Variants in DOCK10 observed in about 807,000 individuals in gnomAD.
DOCK10 encodes dedicator of cytokinesis protein 10.
A neutral mutation model predicts 280.1 loss-of-function variants in DOCK10; 145 were observed. The ratio of observed to expected loss-of-function variants is 0.52; its 90% CI spans 0.45 to 0.59. DOCK10 has a LOEUF of 0.59. Ranked by LOEUF, DOCK10 falls within the 20% of genes least tolerant of loss-of-function variation. DOCK10 has a pLI of 0.00. For missense variants in DOCK10, 2,368 were observed against 2,651.7 expected, an observed-to-expected ratio of 0.89 and a Z score of 2.35; for synonymous variants, 915 against 942.2, an observed-to-expected ratio of 0.97 and a Z score of 0.53.
chr2:224,984,094 A>C (rs1705889539), intron 1 of DOCK10, among the ~76,000 whole-genome samples: 2 of 146,992 alleles, frequency 1.4e-5, no homozygotes, highest in African/African-American at 2.5e-5. Flanking sequence ...GGCAGTGCCC[A>C]CCCCCACCCA....
chr2:224,960,288 C>G (rs1014533093), intron 1 of DOCK10, among the ~76,000 whole-genome samples: 1 of 152,178 alleles, frequency 6.6e-6, no homozygotes, highest in Non-Finnish European at 1.5e-5. Context: ...CCTACCTGCA[C>G]TCTTTATTTT....
intron 1 of DOCK10, 72 bp from the exon 2 acceptor site, chr2:224,931,740 C>T: frequency 2.0e-6 from 3 of 1,464,688 alleles, no homozygotes; most frequent in Non-Finnish European, 2.7e-6. Context: ...GGTTGGATTT[C>T]ATCTCTTAGT....
At chr2:224,767,435 AT>A (rs544719179) in intron 55 of DOCK10, among the ~76,000 whole-genome samples, 285 of 152,276 alleles carry the variant, frequency 1.9e-3, no homozygotes, top group African/African-American at 6.5e-3. Flanking sequence ...AAGTGCTAGG[AT>A]TACAGGTGTG....
chr2:224,803,400 C>T (rs1005279216), intron 39 of DOCK10, among the ~76,000 whole-genome samples: 5 of 151,916 alleles, frequency 3.3e-5, no homozygotes, highest in African/African-American at 1.2e-4. Context: ...TTTCTAAAAC[C>T]CTTTCTAAAA....
At chr2:224,787,530 G>C in intron 48 of DOCK10, 133 bp from the exon 49 acceptor site, 1 of 1,116,924 alleles carries the variant, frequency 9.0e-7, no homozygotes, top group Non-Finnish European at 1.3e-6. Context: ...GCAGGGGATC[G>C]TGGTGTCATC....
intron 1 of DOCK10, among the ~76,000 whole-genome samples, chr2:225,024,168 A>G (rs1357047404): frequency 6.6e-6 from 1 of 152,260 alleles, no homozygotes; most frequent in Non-Finnish European, 1.5e-5. Flanking sequence ...TCTTGATTAA[A>G]GAAAACTTAA....
chr2:224,826,177 C>A (rs1265213984), intron 27 of DOCK10, among the ~76,000 whole-genome samples: 1 of 152,178 alleles, frequency 6.6e-6, no homozygotes, highest in Admixed American at 6.5e-5. Flanking sequence ...AATTCTCGTG[C>A]CTCAGCCTCC....
intron 25 of DOCK10, among the ~76,000 whole-genome samples, chr2:224,835,856 T>A (rs1218668913): frequency 6.6e-6 from 1 of 152,250 alleles, no homozygotes; most frequent in Non-Finnish European, 1.5e-5. Context: ...TTGAATCACT[T>A]AAAGCAAGCT....
intron 1 of DOCK10, among the ~76,000 whole-genome samples, chr2:225,032,561 T>C (rs1270453795): frequency 6.6e-6 from 1 of 152,230 alleles, no homozygotes; most frequent in Non-Finnish European, 1.5e-5. Flanking sequence ...ATGTGTCCAA[T>C]TTTTAAACAA....
At chr2:225,007,243 T>C (rs1689299420) in intron 1 of DOCK10, among the ~76,000 whole-genome samples, 1 of 152,182 alleles carries the variant, frequency 6.6e-6, no homozygotes, top group African/African-American at 2.4e-5. Context: ...TTTATGAAGG[T>C]ATATAATAAG....
At chr2:224,823,956 C>G (rs1315270681) in intron 27 of DOCK10, among the ~76,000 whole-genome samples, 1 of 152,152 alleles carries the variant, frequency 6.6e-6, no homozygotes, top group Non-Finnish European at 1.5e-5. Flanking sequence ...TGAACCTTCT[C>G]TGTGGCCTCT....
In DOCK10 at chr2:224,773,334, G is replaced by T; in HGVS notation, c.6027C>A (p.Phe2009Leu). 1 of 1,611,428 alleles carries T rather than the reference G, an allele frequency of 6.2e-7. No homozygotes were observed. The change falls in exon 53 of 56, where the codon TTC becomes TTA. Residue 2009 changes from phenylalanine to leucine, a missense_variant. Physicochemically the swap from Phe to Leu is conservative, Grantham distance 22. This residue lies in a region of DOCK10 where 1,159 missense variants were observed against 1,400.8 expected (regional missense o/e 0.83). Coordinates refer to ENST00000258390, the MANE Select transcript of DOCK10 (RefSeq NM_014689.3). ...CTTGTATTCTCTTCTTCACGTAGGG[G>T]AACAGGTGACTCGCTGTACAAAAGC... ...RRTILTTSHL[F>L]PYVKKRIQVI... is the part of the protein sequence containing the mutation.
At chr2:224,944,198 T>C (rs1214721426) in intron 1 of DOCK10, among the ~76,000 whole-genome samples, 2 of 152,132 alleles carry the variant, frequency 1.3e-5, no homozygotes, top group Admixed American at 6.5e-5. Context: ...TATTGACACA[T>C]AGAAAGATCT....
At chr2:225,021,058 C>G (rs1689771758) in intron 1 of DOCK10, among the ~76,000 whole-genome samples, 1 of 152,180 alleles carries the variant, frequency 6.6e-6, no homozygotes, top group Non-Finnish European at 1.5e-5. Flanking sequence ...TTGCCTCCTG[C>G]AGAACAACCA....
At chr2:225,001,011 T>A (rs187018569) in intron 1 of DOCK10, among the ~76,000 whole-genome samples, 11 of 152,316 alleles carry the variant, frequency 7.2e-5, no homozygotes, top group African/African-American at 2.6e-4. Flanking sequence ...GCTATTGTGT[T>A]AATCTGGCTA....
chr2:224,881,427 T>G (rs1418237305), intron 7 of DOCK10, among the ~76,000 whole-genome samples: 7 of 152,324 alleles, frequency 4.6e-5, no homozygotes, highest in Non-Finnish European at 4.4e-5. Context: ...TGCTTAAAGC[T>G]CCACATGAAC....
At chr2:224,831,684 C>T (rs1821409) in intron 26 of DOCK10, among the ~76,000 whole-genome samples, 36,711 of 152,176 alleles carry the variant, frequency 0.24, 5,891 homozygotes, top group East Asian at 0.73. Context: ...GGGCCTTGTA[C>T]GCCTGAGCTC....
At chr2:225,029,371 C>T (rs9750007) in intron 1 of DOCK10, among the ~76,000 whole-genome samples, 396 of 152,226 alleles carry the variant, frequency 2.6e-3, no homozygotes, top group African/African-American at 8.9e-3. Context: ...AGGGTTTTGT[C>T]ATGTTGGCCA....
chr2:224,921,857 T>C (rs1002095482), intron 2 of DOCK10, among the ~76,000 whole-genome samples: 9 of 151,956 alleles, frequency 5.9e-5, no homozygotes, highest in African/African-American at 1.9e-4. Context: ...CCCAGCGCTT[T>C]GGGAGGCTGA....
Sources: gnomAD v4.1 joint callset for allele counts (sites outside exome capture counted in the v4.1 genomes callset) on GRCh38, gnomAD v4.1.1 for gene constraint, gnomAD v4.1.1 regional missense constraint, MANE v1.5 for transcripts, NCBI Gene and HGNC (gene_info 2026-07-23, HGNC 2026-07-21) for gene names.